RBFOX1: variants seen among roughly 807,000 people sequenced by gnomAD.
RBFOX1 encodes RNA binding fox-1 homolog 1, also known as RNA binding protein fox-1 homolog 1.
RBFOX1 carries 8 observed loss-of-function variants against 57.7 expected under a neutral mutation model. That is an observed-to-expected ratio of 0.14 (90% CI 0.08 to 0.25). The LOEUF (loss-of-function observed/expected upper bound fraction) is 0.25, where lower values mean the gene tolerates loss of function less well. Ranked by LOEUF, RBFOX1 falls within the 10% of genes least tolerant of loss-of-function variation. The pLI, the probability that RBFOX1 is intolerant of heterozygous loss-of-function variation, is 1.00. For missense variants in RBFOX1, 611 were observed against 548.5 expected (o/e 1.11, Z -1.14); for synonymous variants, 326 against 222.4 (o/e 1.47, Z -4.15).
At chr16:6,109,769 A>G (rs185780316) in intron 1 of RBFOX1, among the ~76,000 whole-genome samples, 1 of 152,204 alleles carries the variant, frequency 6.6e-6, no homozygotes, top group Non-Finnish European at 1.5e-5. Flanking sequence ...GAAATGCCAC[A>G]GGAATCCTTG....
At chr16:6,018,608 C>T (rs150191606), upstream of RBFOX1, among the ~76,000 whole-genome samples, 1 of 152,270 alleles carries the variant, frequency 6.6e-6, no homozygotes. Flanking sequence ...TGCATCCCAT[C>T]CAGCCTGGAG....
intron 4 of RBFOX1, among the ~76,000 whole-genome samples, chr16:7,195,337 C>G (rs1292787273): frequency 1.3e-5 from 2 of 152,172 alleles, no homozygotes; most frequent in Admixed American, 6.5e-5. Flanking sequence ...AGTGTCTTTT[C>G]TAGCCAGTTT....
intron 14 of RBFOX1, among the ~76,000 whole-genome samples, chr16:7,679,679 A>C (rs2074249844): frequency 6.6e-6 from 1 of 152,060 alleles, no homozygotes; most frequent in South Asian, 2.1e-4. Flanking sequence ...GAACTCCAGT[A>C]ACCTCAGGAC....
chr16:6,818,602 G>A (rs950925759), intron 3 of RBFOX1, among the ~76,000 whole-genome samples: 2 of 152,114 alleles, frequency 1.3e-5, no homozygotes, highest in African/African-American at 2.4e-5. Context: ...TTAACCTCTA[G>A]TAGGGCATGT....
rs567090364 is a variant in RBFOX1 at position 7,477,203 on chromosome 16, C to T, written c.28-40944C>T. ...CTTGTGGATGCTAAAATCGGTATAT[C>T]TGTCTCTTGGGTTGTTCAGGGTAGA... is the stretch of plus-strand genomic sequence containing the variant. On this transcript the variant is annotated intron_variant, in intron 4 of 15. Coordinates refer to ENST00000550418, the MANE Select transcript of RBFOX1 (RefSeq NM_018723.4). 5.3e-5 allele frequency among the ~76,000 whole-genome samples: 8 copies of T among 152,296 alleles called. 1 individual carries two copies. The East Asian group carries it at 1.5e-3, about 29-fold the overall frequency.
At chr16:5,640,586 T>C (rs1014075758) in intron 3 of RBFOX1, among the ~76,000 whole-genome samples, 12 of 150,552 alleles carry the variant, frequency 8.0e-5, no homozygotes, top group Admixed American at 2.0e-4. Context: ...CATACACAGA[T>C]GCACACCATG....
At chr16:6,828,410 G>T (rs954771522) in intron 3 of RBFOX1, among the ~76,000 whole-genome samples, 1 of 151,962 alleles carries the variant, frequency 6.6e-6, no homozygotes, top group South Asian at 2.1e-4. Flanking sequence ...TTTAGACCCA[G>T]CTACTCAGGA....
intron 4 of RBFOX1, among the ~76,000 whole-genome samples, chr16:7,384,462 G>T (rs1194216034): frequency 6.6e-6 from 1 of 152,156 alleles, no homozygotes; most frequent in Non-Finnish European, 1.5e-5. Context: ...TTGAAGAGCT[G>T]CTTATTGCAG....
At chr16:6,589,462 C>G (rs375745832) in intron 2 of RBFOX1, among the ~76,000 whole-genome samples, 1 of 152,134 alleles carries the variant, frequency 6.6e-6, no homozygotes, top group Non-Finnish European at 1.5e-5. Flanking sequence ...GAGTCACTTC[C>G]TCGGTGGGGT....
chr16:6,101,886 C>A (rs922972391), intron 1 of RBFOX1, among the ~76,000 whole-genome samples: 1 of 152,162 alleles, frequency 6.6e-6, no homozygotes, highest in East Asian at 1.9e-4. Flanking sequence ...GCCAGATTGT[C>A]CGTTCCTGGG....
At chr16:5,609,195 G>C (rs7191774) in intron 3 of RBFOX1, among the ~76,000 whole-genome samples, 32,495 of 152,068 alleles carry the variant, frequency 0.21, 4,484 homozygotes, top group East Asian at 0.5. Flanking sequence ...ACTACCTGGG[G>C]CCTTCTTCCA....
At chr16:5,657,657 CT>C (rs371325467) in intron 3 of RBFOX1, among the ~76,000 whole-genome samples, 20,575 of 125,136 alleles carry the variant, frequency 0.16, 1,893 homozygotes, top group Non-Finnish European at 0.19. Flanking sequence ...TCTTTCTTTT[CT>C]TTTCTTTCTT....
chr16:6,913,218 A>G (rs533483404), intron 3 of RBFOX1, among the ~76,000 whole-genome samples: 57 of 152,290 alleles, frequency 3.7e-4, no homozygotes, highest in African/African-American at 1.4e-3. Flanking sequence ...AAAACAGGGT[A>G]TCGGAAATTA....
At chr16:7,237,027 T>C (rs953729991) in intron 4 of RBFOX1, among the ~76,000 whole-genome samples, 1 of 152,230 alleles carries the variant, frequency 6.6e-6, no homozygotes, top group African/African-American at 2.4e-5. Context: ...GAGAGGTTAT[T>C]GCATCACCCA....
intron 3 of RBFOX1, among the ~76,000 whole-genome samples, chr16:6,798,924 T>C (rs1312790109): frequency 1.3e-5 from 2 of 152,174 alleles, no homozygotes; most frequent in African/African-American, 4.8e-5. Flanking sequence ...TTCTTGTTTT[T>C]AATATCTCAA....
intron 4 of RBFOX1, chr16:7,510,152 C>T: frequency 5.1e-6 from 5 of 985,766 alleles, no homozygotes; most frequent in Non-Finnish European, 4.8e-6. Context: ...GCCAGGCGGC[C>T]TCAGCCCCCC....
At chr16:6,200,272 C>T (rs770310764) in intron 1 of RBFOX1, among the ~76,000 whole-genome samples, 7 of 152,126 alleles carry the variant, frequency 4.6e-5, no homozygotes, top group East Asian at 1.9e-4. Context: ...AGAGGGTGGA[C>T]GGTCTCTCTG....
chr16:6,102,411 C>A (rs768166754), intron 1 of RBFOX1, among the ~76,000 whole-genome samples: 1 of 152,156 alleles, frequency 6.6e-6, no homozygotes, highest in African/African-American at 2.4e-5. Flanking sequence ...GTTGGTGCTT[C>A]AGTCTCTAAG....
chr16:7,395,581 G>A (rs754958510), intron 4 of RBFOX1, among the ~76,000 whole-genome samples: 80 of 152,178 alleles, frequency 5.3e-4, no homozygotes, highest in Non-Finnish European at 1.8e-4. Context: ...AAAACAAGGC[G>A]AGACAAAAGC....
Sources: allele counts gnomAD v4.1 joint callset (sites outside exome capture counted in the v4.1 genomes callset), GRCh38; gene constraint gnomAD v4.1.1; transcripts MANE v1.5; gene names NCBI Gene and HGNC (gene_info 2026-07-23, HGNC 2026-07-21).